PIAS1: variants seen among roughly 807,000 people sequenced by gnomAD.
PIAS1 encodes protein inhibitor of activated STAT 1, also known as E3 SUMO-protein ligase PIAS1.
In PIAS1, 6 loss-of-function variants were observed where a neutral mutation model predicts 71.3. That is an observed-to-expected ratio of 0.08 (90% CI 0.05 to 0.17). The LOEUF (loss-of-function observed/expected upper bound fraction) is 0.17, where lower values mean the gene tolerates loss of function less well. PIAS1 is among the 10% of genes least tolerant of loss of function. PIAS1 has a pLI of 1.00. For synonymous variants in PIAS1, 303 were observed against 292.9 expected (o/e 1.03, Z -0.35); for missense variants, 555 against 793.6 (o/e 0.70, Z 3.61).
In PIAS1 at chr15:68,190,388, C is replaced by T. The variant is rs981137388; in HGVS notation, c.*2553C>T. 2.0e-5 allele frequency: 3 copies of T among 152,166 alleles called. No homozygotes were observed. Among genetic ancestry groups the T allele is most frequent in the African/African-American group, 7.2e-5 (3 of 41,446 alleles). The allele number at this position is 152,166 out of a possible 1,614,324, so 9.4% of individuals were successfully genotyped here. Reference sequence around the variant, plus strand: ...TGTTGGTCTCATGGTCAATATCAATCAGACTTTCATGATCTCTACTAATTA... The same window carrying T: ...TGTTGGTCTCATGGTCAATATCAATTAGACTTTCATGATCTCTACTAATTA... On this transcript the variant is annotated 3_prime_UTR_variant, in exon 14 of 14. Coordinates refer to ENST00000249636, the MANE Select transcript of PIAS1 (RefSeq NM_016166.3). This position sits in a 1 kb window ranked among gnomAD's most constrained non-coding sequence, Gnocchi z 4.7.
chr15:68,105,101 A>C (rs1178473919), intron 2 of PIAS1, among the ~76,000 whole-genome samples: 1 of 152,224 alleles, frequency 6.6e-6, no homozygotes, highest in East Asian at 1.9e-4. Context: ...GCTGAGCTGT[A>C]ACAATATTTA....
intron 7 of PIAS1, 65 bp downstream of exon 7, chr15:68,153,760 C>G: frequency 1.2e-6 from 1 of 829,256 alleles, no homozygotes; most frequent in South Asian, 1.5e-5. Context: ...AGTATTTTCT[C>G]AACTCAAGAA....
rs1023389859 is a variant in PIAS1, at chr15:68,173,559, T to C, written c.1009-173T>C. Among the ~76,000 whole-genome samples the C allele has an allele frequency of 6.6e-6, 1 of 152,262 alleles. No homozygotes were observed. Among genetic ancestry groups the C allele is most frequent in the Non-Finnish European group, 1.5e-5 (1 of 68,044 alleles). On this transcript the variant is annotated intron_variant, in intron 8 of 13. Coordinates refer to ENST00000249636, the MANE Select transcript of PIAS1 (RefSeq NM_016166.3). This position sits in a 1 kb window ranked among gnomAD's most constrained non-coding sequence, Gnocchi z 4.3. ...TAGCCAAAGAAATACTGTCATTTTT[T>C]AACCTATGGATATTTCACAGGAAAT...
intron 2 of PIAS1, among the ~76,000 whole-genome samples, chr15:68,089,709 A>G (rs1372081182): frequency 1.3e-5 from 2 of 151,478 alleles, no homozygotes; most frequent in Non-Finnish European, 2.9e-5. Context: ...GGCACGTGCC[A>G]CCATGCCCGA....
chr15:68,089,050 T>C (rs2092311752), intron 2 of PIAS1, among the ~76,000 whole-genome samples: 2 of 152,324 alleles, frequency 1.3e-5, no homozygotes, highest in Admixed American at 6.5e-5. Context: ...ACAGGCACAT[T>C]TACTTTTTCA....
chr15:68,079,832 TTTG>T (rs1419800354), intron 1 of PIAS1, among the ~76,000 whole-genome samples: 20 of 151,850 alleles, frequency 1.3e-4, no homozygotes, highest in African/African-American at 4.8e-4. Flanking sequence ...CTGAGTTGGA[TTTG>T]TTATTTATTT....
At chr15:68,061,360 C>T (rs996255189) in intron 1 of PIAS1, 1 of 152,164 alleles carries the variant, frequency 6.6e-6, no homozygotes, top group Admixed American at 6.5e-5. Context: ...AATTGTGCAA[C>T]TCCTGTTACT....
In PIAS1 at chr15:68,106,961, T is replaced by C. The variant is rs189156982; in HGVS notation, c.469+20211T>C. On this transcript the variant is annotated intron_variant, in intron 2 of 13. Transcript: ENST00000249636. ...TAGTTTGAAAATAATTCATGAGTGT[T>C]TAAAAGACTAGCATATTCAGCATGG... is the stretch of plus-strand genomic sequence containing the variant. Among the ~76,000 whole-genome samples the C allele has an allele frequency of 1.1e-3, 168 of 152,280 alleles. 1 individual carries two copies. The highest frequency in any genetic ancestry group is 3.9e-3 in the African/African-American group (163 of 41,566).
intron 1 of PIAS1, among the ~76,000 whole-genome samples, chr15:68,061,012 C>T (rs1326322104): frequency 2.0e-5 from 3 of 152,262 alleles, no homozygotes; most frequent in Admixed American, 2.0e-4. Flanking sequence ...ATAACATAGG[C>T]AATGAAAGCA....
At chr15:68,079,779 T>G (rs923128073) in intron 1 of PIAS1, among the ~76,000 whole-genome samples, 29 of 151,810 alleles carry the variant, frequency 1.9e-4, no homozygotes, top group African/African-American at 6.8e-4. Context: ...ACACCTGGCC[T>G]AAACTTTTTA....
intron 4 of PIAS1, among the ~76,000 whole-genome samples, chr15:68,144,772 G>A (rs2092796708): frequency 6.6e-6 from 1 of 152,088 alleles, no homozygotes; most frequent in African/African-American, 2.4e-5. Context: ...ATCCCTTTGA[G>A]AATTTGATAG....
chr15:68,093,291 TAATTAC>T (rs1428826164), intron 2 of PIAS1, among the ~76,000 whole-genome samples: 4 of 152,264 alleles, frequency 2.6e-5, no homozygotes, highest in Non-Finnish European at 4.4e-5. Context: ...TTCAGTTTTG[TAATTAC>T]AATTACAAGT....
Position 68,173,369 on chromosome 15 carries a change from TA to T in PIAS1, c.1009-351del, listed in dbSNP as rs71986365. ...GCAATATAGCAAGACCCCATCTGTTTAAAAAAAAAAAACTGGTGAAAGCACT... is the reference window on the plus strand; with the variant it reads ...GCAATATAGCAAGACCCCATCTGTTTAAAAAAAAAAACTGGTGAAAGCACT... On this transcript the variant is annotated intron_variant, in intron 8 of 13. Coordinates refer to ENST00000249636, the MANE Select transcript of PIAS1 (RefSeq NM_016166.3). The surrounding 1 kb of genome is among the most constrained non-coding windows in gnomAD (Gnocchi z 4.3). 5.0e-3 allele frequency among the ~76,000 whole-genome samples: 718 copies of T among 144,680 alleles called. 4 individuals carry two copies. Among genetic ancestry groups the T allele is most frequent in the African/African-American group, 0.014 (559 of 39,616 alleles). 94.9% of individuals were successfully genotyped at this position (144,680 alleles called of 152,430 possible). A position where few individuals can be genotyped will look rare whatever the true frequency, so the allele number is the denominator to read the frequency against.
chr15:68,063,062 C>G (rs892585207), intron 1 of PIAS1, among the ~76,000 whole-genome samples: 1 of 152,012 alleles, frequency 6.6e-6, no homozygotes, highest in African/African-American at 2.4e-5. Flanking sequence ...TTTAATGTAA[C>G]CTCTGTAGTA....
intron 2 of PIAS1, among the ~76,000 whole-genome samples, chr15:68,119,489 A>G (rs1188616073): frequency 6.6e-6 from 1 of 151,872 alleles, no homozygotes; most frequent in Non-Finnish European, 1.5e-5. Flanking sequence ...CATTCCTAAT[A>G]TATTTCTGTT....
intron 2 of PIAS1, among the ~76,000 whole-genome samples, chr15:68,130,025 TAAAA>T (rs931387488): frequency 2.3e-4 from 35 of 152,024 alleles, no homozygotes; most frequent in Admixed American, 1.7e-3. Context: ...TAATTGGAAA[TAAAA>T]AAGATATGTT....
intron 4 of PIAS1, among the ~76,000 whole-genome samples, chr15:68,145,339 C>G (rs2092800741): frequency 1.3e-5 from 2 of 152,108 alleles, no homozygotes; most frequent in Non-Finnish European, 2.9e-5. Flanking sequence ...AAAAGTGTTT[C>G]ATAGGCAAAT....
intron 2 of PIAS1, among the ~76,000 whole-genome samples, chr15:68,124,514 G>A (rs1375084639): frequency 6.6e-6 from 1 of 151,898 alleles, no homozygotes; most frequent in Non-Finnish European, 1.5e-5. Context: ...TTAAGGTCAG[G>A]AGCTTGAGAC....
At chr15:68,104,344 C>G (rs1489599) in intron 2 of PIAS1, among the ~76,000 whole-genome samples, 57,463 of 151,890 alleles carry the variant, frequency 0.38, 12,771 homozygotes, top group East Asian at 0.8. Context: ...CTTTTATTTT[C>G]TAATGGTTTG....
Sources: gnomAD v4.1 joint callset for allele counts (sites outside exome capture counted in the v4.1 genomes callset) on GRCh38, gnomAD v4.1.1 for gene constraint, Gnocchi (gnomAD v3.1) non-coding constraint, MANE v1.5 for transcripts, NCBI Gene and HGNC (gene_info 2026-07-23, HGNC 2026-07-21) for gene names.